UBAP2: variants seen among roughly 807,000 people sequenced by gnomAD.
UBAP2 encodes the protein ubiquitin associated protein 2.
A neutral mutation model predicts 139.6 loss-of-function variants in UBAP2; 75 were observed. That is an observed-to-expected ratio of 0.54 (90% CI 0.45 to 0.65). The LOEUF (loss-of-function observed/expected upper bound fraction) is 0.65, where lower values mean the gene tolerates loss of function less well. Ranked by LOEUF, UBAP2 falls within the 30% of genes least tolerant of loss-of-function variation. The pLI is 0.00. For missense variants in UBAP2, 1,368 were observed against 1,369.6 expected (o/e 1.00, Z 0.02); for synonymous variants, 526 against 526.2 (o/e 1.00, Z 0.01).
intron 1 of UBAP2, among the ~76,000 whole-genome samples, chr9:34,018,326 TG>T (rs1169659739): frequency 6.6e-6 from 1 of 151,980 alleles, no homozygotes; most frequent in African/African-American, 2.4e-5. Context: ...ACACTATAAT[TG>T]TTTTTTTGTT....
chr9:33,986,739 T>G (rs759745070), intron 6 of UBAP2, 21 bp downstream of exon 6: 3 of 1,609,726 alleles, frequency 1.9e-6, no homozygotes, highest in South Asian at 1.1e-5. Context: ...AAGCATTTTC[T>G]TCCCTCTTAC....
At chr9:33,957,954 T>C (rs552147296) in intron 10 of UBAP2, among the ~76,000 whole-genome samples, 2 of 150,836 alleles carry the variant, frequency 1.3e-5, no homozygotes, top group East Asian at 1.9e-4. Flanking sequence ...GTGGGAAGGG[T>C]TTTTTTTTCT....
At chr9:33,947,416 C>A (rs1825731131) in intron 13 of UBAP2, among the ~76,000 whole-genome samples, 1 of 152,100 alleles carries the variant, frequency 6.6e-6, no homozygotes, top group Non-Finnish European at 1.5e-5. Context: ...TAGAAAACAT[C>A]CAGTCTACAC....
rs181795355 is a variant in UBAP2, at chr9:33,941,650, A to G, written c.1928T>C (p.Met643Thr). Residue 643 changes from methionine to threonine, a missense_variant and splice_region_variant, in exon 16 of 29, where the codon ATG becomes ACG. By Grantham distance (81) the Met-to-Thr change is moderately conservative. Coordinates refer to ENST00000379238, the MANE Select transcript of UBAP2 (RefSeq NM_001370062.2). ...GAAAAAAACTAAAATACCACTTACC[A>G]TGATGGTTCCTGGAGCTGACTCTGA... ...SSSESAPGTI[M>T]NGHGGGRSQQ... is the part of the protein sequence containing the mutation. 1.3e-5 allele frequency: 21 copies of G among 1,613,932 alleles called. No homozygotes were observed. The Middle Eastern group carries it at 4.9e-4, about 38-fold the overall frequency.
At chr9:34,030,700 A>C (rs759963704) in intron 1 of UBAP2, among the ~76,000 whole-genome samples, 1 of 151,824 alleles carries the variant, frequency 6.6e-6, no homozygotes, top group East Asian at 1.9e-4. Flanking sequence ...GCCCGGGCGC[A>C]TGGATCACAA....
At chr9:33,965,382 T>G (rs1827368826) in intron 8 of UBAP2, among the ~76,000 whole-genome samples, 1 of 152,232 alleles carries the variant, frequency 6.6e-6, no homozygotes, top group African/African-American at 2.4e-5. Context: ...TATAAACATT[T>G]TCTCCAAGAC....
intron 1 of UBAP2, among the ~76,000 whole-genome samples, chr9:34,040,416 A>C (rs1373298101): frequency 6.6e-6 from 1 of 151,952 alleles, no homozygotes; most frequent in Non-Finnish European, 1.5e-5. Flanking sequence ...TATATCCAAA[A>C]TATCTGTAAT....
intron 4 of UBAP2, chr9:33,995,013 G>A (rs189976916): frequency 6.6e-6 from 1 of 152,170 alleles, no homozygotes; most frequent in African/African-American, 2.4e-5. Flanking sequence ...CCTCTTTTAG[G>A]TGAGTCATTT....
At chr9:34,045,469 G>A (rs1299467205) in intron 1 of UBAP2, among the ~76,000 whole-genome samples, 1 of 152,040 alleles carries the variant, frequency 6.6e-6, no homozygotes, top group Non-Finnish European at 1.5e-5. Context: ...CACCTCCCAG[G>A]TTCAAGCAAT....
chr9:33,946,952 TG>T (rs1364750004), intron 13 of UBAP2, among the ~76,000 whole-genome samples: 1 of 152,214 alleles, frequency 6.6e-6, no homozygotes, highest in Non-Finnish European at 1.5e-5. Context: ...TTTGGACTGC[TG>T]GTATGTACTT....
intron 17 of UBAP2, among the ~76,000 whole-genome samples, chr9:33,933,843 C>G (rs919403675): frequency 6.6e-6 from 1 of 152,178 alleles, no homozygotes; most frequent in Non-Finnish European, 1.5e-5. Flanking sequence ...GTCAGCTGTT[C>G]AAGATGCAGC....
chr9:33,984,482 G>A (rs1469552916), intron 6 of UBAP2, among the ~76,000 whole-genome samples: 1 of 151,608 alleles, frequency 6.6e-6, no homozygotes, highest in Admixed American at 6.6e-5. Flanking sequence ...GGGCAACATT[G>A]CAAGACCCCA....
At chr9:33,950,644 T>C (rs538670494) in intron 12 of UBAP2, among the ~76,000 whole-genome samples, 2 of 152,330 alleles carry the variant, frequency 1.3e-5, no homozygotes, top group Non-Finnish European at 2.9e-5. Context: ...GCTACCAATT[T>C]GCAAAAATCC....
intron 4 of UBAP2, among the ~76,000 whole-genome samples, chr9:33,992,477 T>C (rs995818261): frequency 1.3e-5 from 2 of 151,572 alleles, no homozygotes; most frequent in African/African-American, 4.9e-5. Context: ...GGAGAACTGC[T>C]TGAACCTGGG....
intron 6 of UBAP2, among the ~76,000 whole-genome samples, chr9:33,975,728 G>A (rs1218803095): frequency 3.3e-5 from 5 of 151,250 alleles, no homozygotes; most frequent in Non-Finnish European, 7.4e-5. Flanking sequence ...GCGTGAACCC[G>A]GAGGCGGAGC....
At chr9:34,037,872 A>T (rs1826577998) in intron 1 of UBAP2, among the ~76,000 whole-genome samples, 1 of 151,926 alleles carries the variant, frequency 6.6e-6, no homozygotes, top group Non-Finnish European at 1.5e-5. Context: ...GGCTATAAAA[A>T]TACATTTTGT....
At chr9:34,001,823 C>T (rs1020606091) in intron 2 of UBAP2, among the ~76,000 whole-genome samples, 3 of 152,068 alleles carry the variant, frequency 2.0e-5, no homozygotes, top group African/African-American at 7.2e-5. Context: ...AATCCAAGCA[C>T]CACTGATGCT....
intron 16 of UBAP2, among the ~76,000 whole-genome samples, chr9:33,937,328 G>A (rs907666353): frequency 4.6e-5 from 7 of 151,830 alleles, no homozygotes; most frequent in African/African-American, 1.5e-4. Context: ...AAGTTGACAG[G>A]GGATGCAGTG....
chr9:33,950,215 A>G (rs1027398443), intron 12 of UBAP2, among the ~76,000 whole-genome samples: 5 of 151,744 alleles, frequency 3.3e-5, no homozygotes, highest in South Asian at 2.1e-4. Context: ...ACAGGCGCCC[A>G]CCACCACGCC....
Sources: gnomAD v4.1 joint callset for allele counts (sites outside exome capture counted in the v4.1 genomes callset) on GRCh38, gnomAD v4.1.1 for gene constraint, MANE v1.5 for transcripts, NCBI Gene and HGNC (gene_info 2026-07-23, HGNC 2026-07-21) for gene names.